Variants in PPP1CC observed in about 807,000 individuals in gnomAD.
PPP1CC encodes the protein serine/threonine-protein phosphatase PP1-gamma catalytic subunit.
In PPP1CC, 16 loss-of-function variants were observed where a neutral mutation model predicts 38.4. The ratio of observed to expected loss-of-function variants is 0.42; its 90% CI spans 0.28 to 0.63. The LOEUF is 0.63. Ranked by LOEUF, PPP1CC falls within the 30% of genes least tolerant of loss-of-function variation. The pLI, the probability that PPP1CC is intolerant of heterozygous loss-of-function variation, is 0.25. For synonymous variants in PPP1CC, 158 were observed against 136.0 expected (o/e 1.16, Z -1.13); for missense variants, 170 against 391.3 (o/e 0.43, Z 4.77).
At chr12:110,725,044 T>G (rs372331230) in intron 3 of PPP1CC, 1 of 221,134 alleles carries the variant, frequency 4.5e-6, no homozygotes, top group African/African-American at 2.3e-5. Flanking sequence ...GGCAACATAG[T>G]GAGACCCCAT....
rs1447681969 is a variant in PPP1CC at position 110,720,720 on chromosome 12, A to G, written c.*356T>C. On this transcript the variant is annotated 3_prime_UTR_variant, in exon 7 of 7. Transcript: ENST00000335007. ...CACCCTAGGGCTCTCTTTATGTCCT[A>G]AAGAAAATGAGCATTTACATGATTA... 1 of 203,314 alleles carries G rather than the reference A, an allele frequency of 4.9e-6. No homozygotes were observed. The highest frequency in any genetic ancestry group is 1.0e-5 in the Non-Finnish European group (1 of 99,872). The allele number at this position is 203,314 out of a possible 1,614,324, so 12.6% of individuals were successfully genotyped here. A position where few individuals can be genotyped will look rare whatever the true frequency, so the allele number is the denominator to read the frequency against.
chr12:110,715,910 C>T (rs774928353), downstream of PPP1CC, among the ~76,000 whole-genome samples: 9 of 150,668 alleles, frequency 6.0e-5, no homozygotes, highest in South Asian at 4.1e-4. Flanking sequence ...CGTGAGCCAC[C>T]GTGCCCGGCC....
chr12:110,721,860 A>G (rs1258486466), intron 6 of PPP1CC: 8 of 459,870 alleles, frequency 1.7e-5, no homozygotes, highest in Non-Finnish European at 3.0e-5. Flanking sequence ...ATTGTCATTA[A>G]GGTTTTAGAT....
the PPP1CC span, among the ~76,000 whole-genome samples, chr12:110,711,784 G>A: frequency 6.6e-6 from 1 of 152,040 alleles, no homozygotes; most frequent in Non-Finnish European, 1.5e-5. Flanking sequence ...AGTTAGCTGG[G>A]CGTGGTGGTG....
intron 3 of PPP1CC, chr12:110,726,585 A>T (rs1482357034): frequency 6.6e-6 from 1 of 152,260 alleles, no homozygotes; most frequent in African/African-American, 2.4e-5. Context: ...GCTGAAGGGC[A>T]ATCTCCAAAA....
At chr12:110,716,884 C>T (rs893332661), downstream of PPP1CC, among the ~76,000 whole-genome samples, 4 of 152,214 alleles carry the variant, frequency 2.6e-5, no homozygotes, top group African/African-American at 4.8e-5. Context: ...CTATGAACCA[C>T]CCACTAATTC....
downstream of PPP1CC, among the ~76,000 whole-genome samples, chr12:110,714,797 C>T (rs2069675809): frequency 9.7e-6 from 1 of 103,030 alleles, no homozygotes; most frequent in Non-Finnish European, 1.8e-5. Context: ...CAGAGCAAGA[C>T]TCTGTCTCAA....
chr12:110,733,159 C>T (rs1053000600), intron 1 of PPP1CC, among the ~76,000 whole-genome samples: 1 of 152,164 alleles, frequency 6.6e-6, no homozygotes, highest in Non-Finnish European at 1.5e-5. Context: ...GAAATACTCC[C>T]GGTGAAAGAT....
At chr12:110,709,802 C>T in the PPP1CC span, among the ~76,000 whole-genome samples, 1 of 151,956 alleles carries the variant, frequency 6.6e-6, no homozygotes, top group African/African-American at 2.4e-5. Context: ...CCGACTCAGC[C>T]TCCCAAAGTG....
downstream of PPP1CC, among the ~76,000 whole-genome samples, chr12:110,716,446 A>G (rs1018402820): frequency 6.6e-6 from 1 of 151,050 alleles, no homozygotes; most frequent in Admixed American, 6.6e-5. Context: ...TCTGCTTCCC[A>G]GGTTCAAGCG....
chr12:110,713,931 T>G, the PPP1CC span, among the ~76,000 whole-genome samples: 1 of 152,082 alleles, frequency 6.6e-6, no homozygotes, highest in African/African-American at 2.4e-5. Flanking sequence ...AAATCCTGTC[T>G]CTACTAAAAG....
intron 1 of PPP1CC, among the ~76,000 whole-genome samples, chr12:110,736,512 C>T (rs1157880802): frequency 2.0e-5 from 3 of 152,046 alleles, no homozygotes; most frequent in Admixed American, 2.0e-4. Context: ...GACATGGTGG[C>T]GTGCGCCTGT....
intron 2 of PPP1CC, 133 bp from the exon 3 acceptor site, chr12:110,730,892 C>G (rs2069864096): frequency 1.6e-6 from 1 of 614,886 alleles, no homozygotes; most frequent in Non-Finnish European, 2.8e-6. Flanking sequence ...TTTAACTGGG[C>G]AGCCAACACT....
rs888012053 is a variant in PPP1CC at position 110,721,110 on chromosome 12, G to A, written c.938C>T (p.Pro313Leu). 1.2e-6 allele frequency: 2 copies of A among 1,613,902 alleles called. No homozygotes were observed. Among genetic ancestry groups the A allele is most frequent in the Admixed American group, 3.3e-5 (2 of 60,024 alleles). ...TGCTTGCTTTGTGATCATACCCCTT[G>A]GAGGCGTTACAGGTCTCGTGGCATT... The part of the protein sequence containing the change: ...KPNATRPVTP[P>L]RGMITKQAKK Residue 313 changes from proline (P) to leucine (L), a missense_variant, in exon 7 of 7, where the codon CCA becomes CTA. This residue lies in a region of PPP1CC where 23 missense variants were observed against 24.0 expected (regional missense o/e 0.96). Transcript: ENST00000335007.
chr12:110,711,372 G>A, the PPP1CC span, among the ~76,000 whole-genome samples: 2 of 151,404 alleles, frequency 1.3e-5, no homozygotes, highest in Non-Finnish European at 1.5e-5. Context: ...AATATAGCAT[G>A]ACCCTGTTTC....
rs1231835840 is a variant in PPP1CC, at chr12:110,722,352, T to G, written c.748-83A>C. ...TGTTTCAGTTTCCCATTGAGCCTGA[T>G]ATCTTGTGTTCCAGAAACACTTTGT... On this transcript the variant is annotated intron_variant, in intron 5 of 6. Transcript: ENST00000335007. This position sits in a 1 kb window ranked among gnomAD's most constrained non-coding sequence, Gnocchi z 5.4. 1 of 1,568,014 alleles carries G rather than the reference T, an allele frequency of 6.4e-7. No homozygotes were observed. The highest frequency in any genetic ancestry group is 1.4e-5 in the African/African-American group (1 of 73,462).
chr12:110,719,273 G>T (rs1331876034), downstream of PPP1CC, among the ~76,000 whole-genome samples: 1 of 152,112 alleles, frequency 6.6e-6, no homozygotes, highest in Non-Finnish European at 1.5e-5. Context: ...GCATGGCAGG[G>T]TCCAGATGCC....
chr12:110,717,569 A>AT (rs539331159), downstream of PPP1CC, among the ~76,000 whole-genome samples: 463 of 150,954 alleles, frequency 3.1e-3, 1 homozygote, highest in Non-Finnish European at 4.6e-3. Context: ...AATTTTTTCT[A>AT]TTTTTTTTAG....
At chr12:110,727,134 A>G (rs958175865) in intron 3 of PPP1CC, among the ~76,000 whole-genome samples, 3 of 152,182 alleles carry the variant, frequency 2.0e-5, no homozygotes. Context: ...GGTTTTCCCC[A>G]TGTTGGTCAG....
Sources: allele counts gnomAD v4.1 joint callset (sites outside exome capture counted in the v4.1 genomes callset), GRCh38; gene constraint gnomAD v4.1.1; regional missense constraint gnomAD v4.1.1; non-coding constraint Gnocchi (gnomAD v3.1); transcripts MANE v1.5; gene names NCBI Gene and HGNC (gene_info 2026-07-23, HGNC 2026-07-21).